Variants in ZNF385D observed in about 807,000 individuals in gnomAD.
The protein encoded by ZNF385D is zinc finger protein 385D.
A neutral mutation model predicts 35.8 loss-of-function variants in ZNF385D; 15 were observed. The ratio of observed to expected loss-of-function variants is 0.42; its 90% CI spans 0.28 to 0.64. ZNF385D has a LOEUF of 0.64. ZNF385D is among the 30% of genes least tolerant of loss of function. The probability of loss-of-function intolerance (pLI) is 0.23; values close to 1 mark genes in which losing one functional copy is unlikely to be tolerated. For missense variants in ZNF385D, 474 were observed against 494.6 expected, an observed-to-expected ratio of 0.96 and a Z score of 0.39; for synonymous variants, 212 against 186.8, an observed-to-expected ratio of 1.13 and a Z score of -1.10.
In ZNF385D at chr3:21,726,034, A is replaced by T. The variant is rs184751060; in HGVS notation, c.22+24861T>A. ...AAGGCTGGTTCAACATACACAAATC[A>T]ATATACATAATCCATCACATAAACA... On this transcript the variant is annotated intron_variant, in intron 1 of 7. Transcript: ENST00000281523. Among the ~76,000 whole-genome samples the T allele has an allele frequency of 1.2e-4, 19 of 152,318 alleles. No homozygotes were observed. The East Asian group carries it at 3.3e-3, about 26-fold the overall frequency.
rs1049312745 is a variant in ZNF385D at position 21,414,717 on chromosome 3, G to A, written c.*6497C>T. 4 of 152,110 alleles carry A rather than the reference G, an allele frequency of 2.6e-5. No individual in the cohort carries two copies. Among genetic ancestry groups the A allele is most frequent in the African/African-American group, 9.7e-5 (4 of 41,442 alleles). The allele number at this position is 152,110 out of a possible 1,614,324, so 9.4% of individuals were successfully genotyped here. A position where few individuals can be genotyped will look rare whatever the true frequency, so the allele number is the denominator to read the frequency against. The stretch of plus-strand genomic sequence containing the variant: ...AGTGAAGCCAACAACTGTGTTCACT[G>A]TTCTGTGATGCTCGATCTTGTGCCC... On this transcript the variant is annotated 3_prime_UTR_variant, in exon 8 of 8. Coordinates refer to ENST00000281523, the MANE Select transcript of ZNF385D (RefSeq NM_024697.3).
intron 2 of ZNF385D, among the ~76,000 whole-genome samples, chr3:22,182,849 AT>A (rs1180281168): frequency 1.3e-5 from 2 of 151,998 alleles, no homozygotes; most frequent in African/African-American, 2.4e-5. Context: ...TACAATAGAG[AT>A]TTTTTTCATA....
At chr3:22,287,466 C>T (rs921394065) in intron 2 of ZNF385D, among the ~76,000 whole-genome samples, 7 of 151,932 alleles carry the variant, frequency 4.6e-5, no homozygotes, top group South Asian at 2.1e-4. Flanking sequence ...GCTGTCTTTG[C>T]GGCTTAATGG....
chr3:21,684,429 CTCCT>C (rs2067037508), intron 1 of ZNF385D, among the ~76,000 whole-genome samples: 1 of 111,500 alleles, frequency 9.0e-6, no homozygotes, highest in African/African-American at 3.2e-5. Flanking sequence ...CTCTCTCTCT[CTCCT>C]CTCTCTCTTT....
chr3:22,111,551 G>A (rs1047193114), intron 3 of ZNF385D, among the ~76,000 whole-genome samples: 1 of 152,042 alleles, frequency 6.6e-6, no homozygotes, highest in Non-Finnish European at 1.5e-5. Context: ...ATGAGGCGCT[G>A]TTCAGTGCTT....
intron 3 of ZNF385D, among the ~76,000 whole-genome samples, chr3:22,028,877 C>T (rs959911650): frequency 6.6e-6 from 1 of 152,080 alleles, no homozygotes; most frequent in African/African-American, 2.4e-5. Context: ...CTATACTTTG[C>T]AGGGCTGGGG....
At chr3:21,848,172 G>A (rs1306327222) in intron 3 of ZNF385D, among the ~76,000 whole-genome samples, 1 of 151,872 alleles carries the variant, frequency 6.6e-6, no homozygotes, top group East Asian at 1.9e-4. Context: ...AATATTGCAG[G>A]ATTTCCTTTT....
chr3:22,369,436 A>C (rs1489052633), intron 2 of ZNF385D, among the ~76,000 whole-genome samples: 1 of 152,180 alleles, frequency 6.6e-6, no homozygotes, highest in Non-Finnish European at 1.5e-5. Context: ...TCTAAGGTTA[A>C]ATATGTTAGC....
At chr3:21,884,763 A>C (rs1698454828) in intron 3 of ZNF385D, among the ~76,000 whole-genome samples, 1 of 152,050 alleles carries the variant, frequency 6.6e-6, no homozygotes, top group African/African-American at 2.4e-5. Context: ...ATCCAGTGAC[A>C]TTATACAGGG....
chr3:21,893,960 A>C (rs1699007010), intron 3 of ZNF385D, among the ~76,000 whole-genome samples: 1 of 152,178 alleles, frequency 6.6e-6, no homozygotes, highest in Non-Finnish European at 1.5e-5. Context: ...GCCTTAGATA[A>C]CTTACAAAAA....
In ZNF385D at chr3:22,155,678, G is replaced by A. The variant is rs1330109026; in HGVS notation, c.325+13139C>T. Among the ~76,000 whole-genome samples, 52 of 152,114 alleles carry A rather than the reference G, an allele frequency of 3.4e-4. 1 individual carries two copies. Among genetic ancestry groups the A allele is most frequent in the Admixed American group, 3.2e-3 (49 of 15,256 alleles). ...TTAAAATAGTTAATAAAGAGAACAT[G>A]TCCCTACTTTTATAATATTGTAATT... On this transcript the variant is annotated intron_variant, in intron 3 of 5. Coordinates refer to the ZNF385D transcript ENST00000494108.
chr3:21,811,915 T>C (rs1437854748), intron 3 of ZNF385D, among the ~76,000 whole-genome samples: 1 of 152,164 alleles, frequency 6.6e-6, no homozygotes, highest in Non-Finnish European at 1.5e-5. Flanking sequence ...TTGATCAATC[T>C]TAACAACACA....
chr3:21,675,143 A>G (rs1037562151), intron 1 of ZNF385D, among the ~76,000 whole-genome samples: 1 of 152,092 alleles, frequency 6.6e-6, no homozygotes, highest in African/African-American at 2.4e-5. Flanking sequence ...CTAAAAGGTG[A>G]GAAACATTTT....
chr3:21,570,348 G>T (rs1048322958), intron 2 of ZNF385D, among the ~76,000 whole-genome samples: 7 of 152,128 alleles, frequency 4.6e-5, no homozygotes, highest in African/African-American at 1.7e-4. Flanking sequence ...GCATACAGGG[G>T]ACATGCTTCA....
intron 3 of ZNF385D, among the ~76,000 whole-genome samples, chr3:21,813,014 GCAGCAACATTTGCTGTT>G (rs1242932388): frequency 6.6e-6 from 1 of 152,190 alleles, no homozygotes; most frequent in African/African-American, 2.4e-5. Context: ...GAAGCATCAG[GCAGCAACATTTGCTGTT>G]CTGCAATATT....
chr3:22,214,576 G>A (rs186516881), intron 2 of ZNF385D, among the ~76,000 whole-genome samples: 11 of 152,130 alleles, frequency 7.2e-5, no homozygotes, highest in Admixed American at 5.9e-4. Flanking sequence ...CTGAGAAAGG[G>A]AATGCGTCCC....
intron 3 of ZNF385D, among the ~76,000 whole-genome samples, chr3:22,123,649 C>T (rs1703229974): frequency 1.3e-5 from 2 of 152,178 alleles, no homozygotes; most frequent in African/African-American, 4.8e-5. Flanking sequence ...TACCTGAGGT[C>T]AGGCATTCAA....
intron 2 of ZNF385D, among the ~76,000 whole-genome samples, chr3:21,585,978 C>T (rs1008493358): frequency 5.3e-5 from 8 of 151,880 alleles, no homozygotes; most frequent in South Asian, 2.1e-4. Context: ...AGACCAGTCT[C>T]GGCAACATAG....
intron 2 of ZNF385D, among the ~76,000 whole-genome samples, chr3:22,269,037 A>C (rs2125358019): frequency 6.6e-6 from 1 of 152,048 alleles, no homozygotes. Context: ...GGAGGAGAAA[A>C]GTAAAGGCCC....
Sources: allele counts gnomAD v4.1 joint callset (sites outside exome capture counted in the v4.1 genomes callset), GRCh38; gene constraint gnomAD v4.1.1; transcripts MANE v1.5; gene names NCBI Gene and HGNC (gene_info 2026-07-23, HGNC 2026-07-21).